The following CYP4Z1 variants were observed in gnomAD, a reference collection of about 807,000 sequenced individuals.
The protein encoded by CYP4Z1 is cytochrome P450 4Z1.
CYP4Z1 carries 41 observed loss-of-function variants against 54.2 expected under a neutral mutation model. That is an observed-to-expected ratio of 0.76 (90% CI 0.59 to 0.98). The LOEUF is 0.98. CYP4Z1 is among the 50% of genes least tolerant of loss of function. CYP4Z1 has a pLI of 0.00. For synonymous variants in CYP4Z1, 163 were observed against 206.2 expected, an observed-to-expected ratio of 0.79 and a Z score of 1.79; for missense variants, 513 against 599.0, an observed-to-expected ratio of 0.86 and a Z score of 1.50.
At chr1:47,109,661 T>C (rs1220875529) in intron 9 of CYP4Z1, among the ~76,000 whole-genome samples, 1 of 152,188 alleles carries the variant, frequency 6.6e-6, no homozygotes, top group East Asian at 1.9e-4. Context: ...TTCACTAATC[T>C]TATTAAGAGA....
chr1:47,077,107 T>G (rs1424162967), intron 2 of CYP4Z1, among the ~76,000 whole-genome samples: 2 of 151,792 alleles, frequency 1.3e-5, no homozygotes, highest in Non-Finnish European at 2.9e-5. Flanking sequence ...ATAATTATAG[T>G]GTTGTTCAAG....
rs1383892522 is a variant in CYP4Z1, at chr1:47,067,271, A to T, written c.-220A>T. 1.3e-5 allele frequency among the ~76,000 whole-genome samples: 2 copies of T among 152,114 alleles called. No homozygotes were observed. Among genetic ancestry groups the T allele is most frequent in the Non-Finnish European group, 2.9e-5 (2 of 68,008 alleles). ...GTCATGCACATGGCTCCTATCTGAA[A>T]ATCTTGTTCTTCTAGAATCCAGGTC... On this transcript the variant is annotated 5_prime_UTR_variant, in exon 1 of 12. Coordinates refer to ENST00000334194, the MANE Select transcript of CYP4Z1 (RefSeq NM_178134.3).
intron 10 of CYP4Z1, 124 bp downstream of exon 10, chr1:47,115,717 C>G: frequency 1.1e-6 from 1 of 906,746 alleles, no homozygotes; most frequent in Non-Finnish European, 1.7e-6. Flanking sequence ...CAAAACAGAA[C>G]AAAAACCCTA....
upstream of CYP4Z1, among the ~76,000 whole-genome samples, chr1:47,067,095 T>A (rs1644455438): frequency 6.6e-6 from 1 of 152,034 alleles, no homozygotes; most frequent in Non-Finnish European, 1.5e-5. Flanking sequence ...ATAAATTCTA[T>A]CAGAAACATA....
At chr1:47,066,236 A>G (rs1159731916), upstream of CYP4Z1, among the ~76,000 whole-genome samples, 1 of 152,200 alleles carries the variant, frequency 6.6e-6, no homozygotes, top group African/African-American at 2.4e-5. Flanking sequence ...CAAAAAAAGA[A>G]AACTACAGAC....
At chr1:47,104,165 T>G (rs1644740337) in intron 8 of CYP4Z1, among the ~76,000 whole-genome samples, 1 of 152,250 alleles carries the variant, frequency 6.6e-6, no homozygotes, top group African/African-American at 2.4e-5. Context: ...ATGCTTTGGC[T>G]TTGATTCTGG....
rs560966188 is a variant in CYP4Z1 at position 47,084,762 on chromosome 1, G to A, written c.617+18G>A. Reference sequence around the variant, plus strand: ...TTGGACAGGTCAGTGACAAAAGGAAGGTAATTGTTTGCCAATAACTGTGTC... The same window carrying A: ...TTGGACAGGTCAGTGACAAAAGGAAAGTAATTGTTTGCCAATAACTGTGTC... On this transcript the variant is annotated intron_variant, in intron 5 of 11. Transcript: ENST00000334194. The A allele has an allele frequency of 1.1e-5, 17 of 1,613,188 alleles. No individual in the cohort carries two copies. The highest frequency in any genetic ancestry group is 1.4e-5 in the Non-Finnish European group (17 of 1,179,828).
At chr1:47,062,623 C>T (rs529783609), upstream of CYP4Z1, among the ~76,000 whole-genome samples, 18 of 152,166 alleles carry the variant, frequency 1.2e-4, no homozygotes, top group South Asian at 3.3e-3. Context: ...AGCCATAATA[C>T]CCCTGGGAAT....
At chr1:47,116,512 C>G in intron 10 of CYP4Z1, 138 bp from the exon 11 acceptor site, 2 of 565,618 alleles carry the variant, frequency 3.5e-6, no homozygotes, top group East Asian at 5.8e-5. Flanking sequence ...GACTTGTAGT[C>G]TCCAGACATT....
chr1:47,068,915 TAGTC>T (rs1265064136), intron 2 of CYP4Z1, 152 bp downstream of exon 2: 11 of 1,066,660 alleles, frequency 1.0e-5, no homozygotes, highest in Non-Finnish European at 1.3e-5. Flanking sequence ...CTCAACATCA[TAGTC>T]AGGACTCTAT....
chr1:47,078,135 C>T (rs1178034343), intron 2 of CYP4Z1, among the ~76,000 whole-genome samples: 2 of 151,902 alleles, frequency 1.3e-5, no homozygotes, highest in African/African-American at 2.4e-5. Flanking sequence ...CTTAGTTTTC[C>T]CTCTTTGCTC....
At chr1:47,115,483 G>A in intron 9 of CYP4Z1, 46 bp from the exon 10 acceptor site, 1 of 1,514,864 alleles carries the variant, frequency 6.6e-7, no homozygotes. Context: ...AAAAAAGACA[G>A]AATCTTCGCT....
At chr1:47,104,742 G>C (rs772640685) in intron 8 of CYP4Z1, among the ~76,000 whole-genome samples, 1 of 152,140 alleles carries the variant, frequency 6.6e-6, no homozygotes, top group Non-Finnish European at 1.5e-5. Context: ...TCAGGTACTG[G>C]GAGGAGTGGA....
chr1:47,115,669 A>G, intron 10 of CYP4Z1, 76 bp downstream of exon 10: 1 of 1,351,126 alleles, frequency 7.4e-7, no homozygotes, highest in Non-Finnish European at 1.0e-6. Flanking sequence ...CACAGTTGAG[A>G]GAGCAGTTAG....
Position 47,106,271 on chromosome 1 carries a change from C to CTTT in CYP4Z1, c.1201+24_1201+26dup, listed in dbSNP as rs34936674. 72 of 1,514,982 alleles carry CTTT rather than the reference C, an allele frequency of 4.8e-5. No homozygotes were observed. The highest frequency in any genetic ancestry group is 1.8e-4 in the Middle Eastern group (1 of 5,674). 93.8% of individuals were successfully genotyped at this position (1,514,982 alleles called of 1,614,324 possible). A position where few individuals can be genotyped will look rare whatever the true frequency, so the allele number is the denominator to read the frequency against. On this transcript the variant is annotated intron_variant, in intron 9 of 11. Coordinates refer to ENST00000334194, the MANE Select transcript of CYP4Z1 (RefSeq NM_178134.3). ...CGCTCCTTACCTGCAGGTCTTAAAA[C>CTTT]TTTTTTTTTTTTTTTTAACAATGCA...
Position 47,098,956 on chromosome 1 carries a change from A to G in CYP4Z1, c.877-138A>G. ...TCTGTTAAGGTTTGAAAAAAGTAAAATAGAAAAATATATGCCAAATTAGTT... is the reference window on the plus strand; with the variant it reads ...TCTGTTAAGGTTTGAAAAAAGTAAAGTAGAAAAATATATGCCAAATTAGTT... On this transcript the variant is annotated intron_variant, in intron 7 of 11. Coordinates refer to ENST00000334194, the MANE Select transcript of CYP4Z1 (RefSeq NM_178134.3). 2.9e-6 allele frequency: 3 copies of G among 1,032,176 alleles called. No individual in the cohort carries two copies. The South Asian group carries it at 5.0e-5, about 17-fold the overall frequency. 63.9% of individuals were successfully genotyped at this position (1,032,176 alleles called of 1,614,324 possible). A position where few individuals can be genotyped will look rare whatever the true frequency, so the allele number is the denominator to read the frequency against.
At chr1:47,109,133 A>G (rs1362525342) in intron 9 of CYP4Z1, among the ~76,000 whole-genome samples, 4 of 152,166 alleles carry the variant, frequency 2.6e-5, no homozygotes, top group Non-Finnish European at 4.4e-5. Flanking sequence ...CTAAGATCCT[A>G]CTTATACACA....
chr1:47,101,879 T>C (rs1644724607), intron 8 of CYP4Z1, among the ~76,000 whole-genome samples: 2 of 152,076 alleles, frequency 1.3e-5, no homozygotes, highest in Admixed American at 6.6e-5. Flanking sequence ...TCTCCAACGA[T>C]TATGGTATGA....
At chr1:47,058,776 A>G in the CYP4Z1 span, among the ~76,000 whole-genome samples, 2 of 152,136 alleles carry the variant, frequency 1.3e-5, no homozygotes, top group African/African-American at 4.8e-5. Flanking sequence ...TACTCTACTC[A>G]GACCTATGTA....
Sources: gnomAD v4.1 joint callset for allele counts (sites outside exome capture counted in the v4.1 genomes callset) on GRCh38, gnomAD v4.1.1 for gene constraint, MANE v1.5 for transcripts, NCBI Gene and HGNC (gene_info 2026-07-23, HGNC 2026-07-21) for gene names.